SLC15A1: variants seen among roughly 807,000 people sequenced by gnomAD.
SLC15A1 encodes Caco-2 oligopeptide transporter.
A neutral mutation model predicts 92.9 loss-of-function variants in SLC15A1; 83 were observed. The observed-to-expected ratio is 0.89, with a 90% CI of 0.75 to 1.07. SLC15A1 has a LOEUF of 1.07. Among genes scored for constraint, SLC15A1 ranks in the 50% least tolerant of loss-of-function variants. SLC15A1 has a pLI of 0.00. For missense variants in SLC15A1, 857 were observed against 880.1 expected (o/e 0.97, Z 0.33); for synonymous variants, 322 against 318.2 (o/e 1.01, Z -0.13).
chr13:98,710,577 A>G (rs1039976278), intron 11 of SLC15A1, among the ~76,000 whole-genome samples: 2 of 152,066 alleles, frequency 1.3e-5, no homozygotes, highest in Non-Finnish European at 2.9e-5. Flanking sequence ...GCACTTTGGG[A>G]GGCCGAGGCG....
intron 14 of SLC15A1, among the ~76,000 whole-genome samples, 195 bp downstream of exon 14, chr13:98,709,377 C>T (rs2088142247): frequency 6.6e-6 from 1 of 152,234 alleles, no homozygotes; most frequent in Non-Finnish European, 1.5e-5. Flanking sequence ...AAGGCCTTTT[C>T]AGGCTGTCAA....
chr13:98,741,107 G>A (rs2088440168), intron 1 of SLC15A1, among the ~76,000 whole-genome samples: 1 of 152,164 alleles, frequency 6.6e-6, no homozygotes, highest in Non-Finnish European at 1.5e-5. Flanking sequence ...AAAAGTGTGG[G>A]CTTCTAGGCC....
chr13:98,724,597 G>A (rs1002119554), intron 4 of SLC15A1, among the ~76,000 whole-genome samples: 12 of 151,932 alleles, frequency 7.9e-5, no homozygotes, highest in African/African-American at 2.4e-4. Flanking sequence ...TTGGCCTCCC[G>A]AGTAGCTAGG....
intron 1 of SLC15A1, among the ~76,000 whole-genome samples, chr13:98,731,215 T>A (rs1332327507): frequency 2.6e-5 from 4 of 152,214 alleles, no homozygotes; most frequent in Non-Finnish European, 5.9e-5. Flanking sequence ...GTGCTGAGCA[T>A]GGCCTCTGTG....
chr13:98,721,602 AAAGT>A lies in SLC15A1; in HGVS notation c.466-21_466-18del, dbSNP rs776420235. 1.9e-6 allele frequency: 3 copies of A among 1,558,892 alleles called. No homozygotes were observed. In the African/African-American group the frequency reaches 4.1e-5, roughly 21 times the overall value. Reference sequence around the variant, plus strand: ...TTGTTTCTCCTGCAATGAAAAGGAGAAAGTAAGATGACTTTGGCTATCAATCCAC... The same window carrying A: ...TTGTTTCTCCTGCAATGAAAAGGAGAAAGATGACTTTGGCTATCAATCCAC... On this transcript the variant is annotated intron_variant, in intron 6 of 22. Coordinates refer to ENST00000376503, the MANE Select transcript of SLC15A1 (RefSeq NM_005073.4).
rs544514780 is a variant in SLC15A1 at position 98,736,348 on chromosome 13, G to A, written c.5-9489C>T. On this transcript the variant is annotated intron_variant, in intron 1 of 22. Coordinates refer to ENST00000376503, the MANE Select transcript of SLC15A1 (RefSeq NM_005073.4). ...CTTATACAAAAATTAATTCAAGATG[G>A]ATTAAAGACTTAAATGTTAGACCTA... 2.2e-3 allele frequency among the ~76,000 whole-genome samples: 338 copies of A among 152,252 alleles called. 3 individuals are homozygous for A. Among genetic ancestry groups the A allele is most frequent in the Middle Eastern group, 0.01 (3 of 294 alleles).
chr13:98,709,560 C>G lies in SLC15A1; in HGVS notation c.1067+12G>C. On this transcript the variant is annotated intron_variant, in intron 14 of 22. Coordinates refer to ENST00000376503, the MANE Select transcript of SLC15A1 (RefSeq NM_005073.4). ...AGGGAGCCTCAACCAACCCAACCCA[C>G]CCGTCACCTACGTGAAATTGAAGCC... 1 of 1,613,336 alleles carries G rather than the reference C, an allele frequency of 6.2e-7. No individual in the cohort carries two copies. The highest frequency in any genetic ancestry group is 1.1e-5 in the South Asian group (1 of 90,942).
At chr13:98,728,562 G>T (rs1308953012) in intron 1 of SLC15A1, among the ~76,000 whole-genome samples, 2 of 152,134 alleles carry the variant, frequency 1.3e-5, no homozygotes, top group Non-Finnish European at 2.9e-5. Context: ...GGATGGGAAG[G>T]GTAGGTGAAG....
rs578124001 is a variant in SLC15A1 at position 98,726,600 on chromosome 13, A to T, written c.22-151T>A. The stretch of plus-strand genomic sequence containing the variant: ...CAGGAAACTAGCATTTAATCATTTT[A>T]TTCCCTACACTAATCCTTCCACATA... On this transcript the variant is annotated intron_variant, in intron 2 of 22. Transcript: ENST00000376503. 1.1e-5 allele frequency: 9 copies of T among 792,536 alleles called. No homozygotes were observed. In the Admixed American group the frequency reaches 1.8e-4, roughly 16 times the overall value. 49.1% of individuals were successfully genotyped at this position (792,536 alleles called of 1,614,324 possible).
At position 98,721,917 on chromosome 13, in the gene SLC15A1, G is replaced by A. The variant is rs1164992293; in HGVS notation, c.366-14C>T. The A allele has an allele frequency of 1.2e-6, 2 of 1,607,974 alleles. No individual in the cohort carries two copies. The highest frequency in any genetic ancestry group is 1.7e-5 in the Admixed American group (1 of 59,528). On this transcript the variant is annotated splice_polypyrimidine_tract_variant and intron_variant, in intron 5 of 22. Coordinates refer to ENST00000376503, the MANE Select transcript of SLC15A1 (RefSeq NM_005073.4). ...AAGGACAGCACCCTGGGAAAGACAG[G>A]GTGTTAGGGCCAACATGGCAGATCC... is the stretch of plus-strand genomic sequence containing the variant.
intron 1 of SLC15A1, among the ~76,000 whole-genome samples, chr13:98,734,617 G>A (rs2088375801): frequency 6.6e-6 from 1 of 152,090 alleles, no homozygotes; most frequent in African/African-American, 2.4e-5. Flanking sequence ...GGCACACCAG[G>A]AGATTAAATA....
rs140721098 is a variant in SLC15A1 at position 98,743,166 on chromosome 13, C to T, written c.4+9429G>A. 7.2e-5 allele frequency among the ~76,000 whole-genome samples: 11 copies of T among 152,308 alleles called. No homozygotes were observed. In the East Asian group the frequency reaches 9.6e-4, roughly 13 times the overall value. Reference sequence around the variant, plus strand: ...TCATCATAGTGAATTACATCTGCAACGACTCTATTCCCAAATAAGGTCACG... The same window carrying T: ...TCATCATAGTGAATTACATCTGCAATGACTCTATTCCCAAATAAGGTCACG... On this transcript the variant is annotated intron_variant, in intron 1 of 22. Coordinates refer to ENST00000376503, the MANE Select transcript of SLC15A1 (RefSeq NM_005073.4).
chr13:98,719,055 G>A (rs113459546), intron 8 of SLC15A1, among the ~76,000 whole-genome samples, 182 bp downstream of exon 8: 90 of 152,140 alleles, frequency 5.9e-4, no homozygotes, highest in African/African-American at 2.0e-3. Context: ...CTATTCCCTC[G>A]GAATTGATGT....
At chr13:98,706,357 G>T in intron 15 of SLC15A1, 104 bp from the exon 16 acceptor site, 1 of 1,346,930 alleles carries the variant, frequency 7.4e-7, no homozygotes, top group Non-Finnish European at 1.0e-6. Flanking sequence ...GAAAAGCTGC[G>T]CTGGCTGAAA....
At chr13:98,738,674 C>T (rs375456956) in intron 1 of SLC15A1, among the ~76,000 whole-genome samples, 7 of 152,240 alleles carry the variant, frequency 4.6e-5, no homozygotes, top group South Asian at 2.1e-4. Flanking sequence ...GCATAGATTT[C>T]AGAGGATATA....
At chr13:98,704,459 T>C (rs1258053947) in intron 16 of SLC15A1, 24 bp from the exon 17 acceptor site, 2 of 1,587,618 alleles carry the variant, frequency 1.3e-6, no homozygotes, top group Non-Finnish European at 1.7e-6. Flanking sequence ...GAAAGAGGCA[T>C]AGTTAATATC....
chr13:98,746,967 G>A (rs2088498001), intron 1 of SLC15A1, among the ~76,000 whole-genome samples: 1 of 152,120 alleles, frequency 6.6e-6, no homozygotes. Flanking sequence ...CTTTAACTGT[G>A]TTCTCATAGC....
At position 98,719,277 on chromosome 13, in the gene SLC15A1, C is replaced by T. The variant is rs760068057; in HGVS notation, c.600G>A (p.Leu200=). 19 of 1,613,816 alleles carry T rather than the reference C, an allele frequency of 1.2e-5. 1 individual carries two copies. The South Asian group carries it at 2.1e-4, about 18-fold the overall frequency. Residue 200 remains leucine (L), a synonymous_variant, in exon 8 of 23, where the codon CTG becomes CTA. Transcript: ENST00000376503. The part of the protein sequence containing the change: ...GIHSKQACYP[L]AFGVPAALMA... Reference sequence around the variant, plus strand: ...TGAGAGCAGCAGGAACCCCAAAGGCCAGTGGGTAACAAGCTTGTTTACTGT... The same window carrying T: ...TGAGAGCAGCAGGAACCCCAAAGGCTAGTGGGTAACAAGCTTGTTTACTGT...
chr13:98,711,012 G>A (rs1263709845), intron 11 of SLC15A1, among the ~76,000 whole-genome samples: 1 of 151,824 alleles, frequency 6.6e-6, no homozygotes, highest in East Asian at 1.9e-4. Context: ...TCCAGTGACC[G>A]GCTCCTGTCC....
Sources: allele counts gnomAD v4.1 joint callset (sites outside exome capture counted in the v4.1 genomes callset), GRCh38; gene constraint gnomAD v4.1.1; transcripts MANE v1.5; gene names NCBI Gene and HGNC (gene_info 2026-07-23, HGNC 2026-07-21).